EXOC4: variants seen among roughly 807,000 people sequenced by gnomAD.
EXOC4 encodes the protein SEC8-like 1.
A neutral mutation model predicts 107.2 loss-of-function variants in EXOC4; 71 were observed. The observed-to-expected ratio is 0.66, with a 90% CI of 0.55 to 0.81. The LOEUF (loss-of-function observed/expected upper bound fraction) is 0.81. EXOC4 is among the 30% of genes least tolerant of loss of function. The pLI is 0.00. For missense variants in EXOC4, 1,108 were observed against 1,189.6 expected, an observed-to-expected ratio of 0.93 and a Z score of 1.01; for synonymous variants, 456 against 441.2, an observed-to-expected ratio of 1.03 and a Z score of -0.42.
At chr7:133,814,682 A>G (rs1163050394) in intron 10 of EXOC4, among the ~76,000 whole-genome samples, 1 of 152,216 alleles carries the variant, frequency 6.6e-6, no homozygotes, top group Non-Finnish European at 1.5e-5. Context: ...TTATAGCAAC[A>G]GAGTGTGTTT....
At chr7:133,480,315 A>C (rs1490411865) in intron 9 of EXOC4, 177 bp downstream of exon 9, 22 of 1,435,418 alleles carry the variant, frequency 1.5e-5, no homozygotes, top group Non-Finnish European at 1.9e-5. Flanking sequence ...TAAAACTATT[A>C]CTGTGGCCAT....
rs1267407517 is a variant in EXOC4 at position 133,475,328 on chromosome 7, A to T, written c.1183A>T (p.Met395Leu). 2 of 1,609,624 alleles carry T rather than the reference A, an allele frequency of 1.2e-6. No individual in the cohort carries two copies. Among genetic ancestry groups the T allele is most frequent in the Non-Finnish European group, 1.7e-6 (2 of 1,177,248 alleles). ...VWVKIQDVLQMLLTEYLDMKN... is the reference protein window; with the variant it reads ...VWVKIQDVLQLLLTEYLDMKN... ...TTAACTGATTTATCTGGTTGTACAGATGCTATTAACTGAGTACTTGGATAT... is the reference window on the plus strand; with the variant it reads ...TTAACTGATTTATCTGGTTGTACAGTTGCTATTAACTGAGTACTTGGATAT... Residue 395 changes from methionine (M) to leucine (L), a missense_variant and splice_region_variant, in exon 8 of 18, where the codon ATG becomes TTG. Coordinates refer to ENST00000253861, the MANE Select transcript of EXOC4 (RefSeq NM_021807.4).
At chr7:133,662,825 T>C (rs1043413558) in intron 10 of EXOC4, among the ~76,000 whole-genome samples, 3 of 152,204 alleles carry the variant, frequency 2.0e-5, no homozygotes, top group Non-Finnish European at 4.4e-5. Flanking sequence ...AGATAGAAGA[T>C]GGCAGTAGGT....
At chr7:133,717,484 T>C (rs947733609) in intron 10 of EXOC4, among the ~76,000 whole-genome samples, 1 of 152,200 alleles carries the variant, frequency 6.6e-6, no homozygotes, top group South Asian at 2.1e-4. Context: ...CTCTCCACAC[T>C]ACCCCATGGT....
intron 6 of EXOC4, among the ~76,000 whole-genome samples, chr7:133,363,395 A>G (rs1489267794): frequency 6.6e-6 from 1 of 152,214 alleles, no homozygotes; most frequent in Non-Finnish European, 1.5e-5. Context: ...AGACTTAAAT[A>G]AATTAATGGA....
At chr7:133,789,771 C>T (rs1796666315) in intron 10 of EXOC4, among the ~76,000 whole-genome samples, 1 of 152,108 alleles carries the variant, frequency 6.6e-6, no homozygotes. Context: ...TTTCTCTGTT[C>T]AATTTCAGTT....
chr7:133,755,222 G>GTGTA (rs1562983981), intron 10 of EXOC4, among the ~76,000 whole-genome samples: 1 of 102,770 alleles, frequency 9.7e-6, no homozygotes, highest in East Asian at 2.6e-4. Flanking sequence ...GTGTGTGTGT[G>GTGTA]TATATATATA....
intron 9 of EXOC4, among the ~76,000 whole-genome samples, chr7:133,583,039 C>T (rs1431129699): frequency 6.6e-6 from 1 of 152,178 alleles, no homozygotes; most frequent in Non-Finnish European, 1.5e-5. Flanking sequence ...TTAAAGTATA[C>T]TATTTAGTGG....
chr7:133,764,352 C>A (rs1301662917), intron 10 of EXOC4, among the ~76,000 whole-genome samples: 1 of 151,904 alleles, frequency 6.6e-6, no homozygotes, highest in African/African-American at 2.4e-5. Context: ...AGAGTTAATC[C>A]AAATCGTCAA....
chr7:134,021,625 C>T (rs1156570179), intron 17 of EXOC4, among the ~76,000 whole-genome samples: 3 of 150,814 alleles, frequency 2.0e-5, no homozygotes, highest in African/African-American at 4.9e-5. Flanking sequence ...CTTCAGTTGC[C>T]GTGTGATGAT....
At chr7:133,432,732 C>T (rs906262612) in intron 7 of EXOC4, among the ~76,000 whole-genome samples, 1 of 152,208 alleles carries the variant, frequency 6.6e-6, no homozygotes, top group Non-Finnish European at 1.5e-5. Flanking sequence ...GCTAATGCTA[C>T]TACTATTGCT....
chr7:133,851,404 G>A (rs978666210), intron 11 of EXOC4, among the ~76,000 whole-genome samples: 3 of 152,158 alleles, frequency 2.0e-5, no homozygotes, highest in Admixed American at 1.3e-4. Flanking sequence ...AGCTGGTCTC[G>A]AACTCCTGAG....
At chr7:133,854,148 G>A (rs1015959428) in intron 11 of EXOC4, among the ~76,000 whole-genome samples, 4 of 152,080 alleles carry the variant, frequency 2.6e-5, no homozygotes, top group Admixed American at 6.5e-5. Context: ...CCATTTGGCT[G>A]TGGGGAGAGG....
At chr7:133,431,864 T>G (rs1473948371) in intron 7 of EXOC4, among the ~76,000 whole-genome samples, 2 of 152,212 alleles carry the variant, frequency 1.3e-5, no homozygotes, top group Non-Finnish European at 2.9e-5. Context: ...ACAAAGACTT[T>G]ATTTTATAAG....
chr7:133,568,323 A>G (rs1488954605), intron 9 of EXOC4, among the ~76,000 whole-genome samples: 1 of 151,660 alleles, frequency 6.6e-6, no homozygotes, highest in Non-Finnish European at 1.5e-5. Context: ...GGCTTTCCTT[A>G]GCATAATTTT....
At chr7:133,915,580 C>G (rs1232844827) in intron 12 of EXOC4, among the ~76,000 whole-genome samples, 2 of 152,070 alleles carry the variant, frequency 1.3e-5, no homozygotes, top group Non-Finnish European at 2.9e-5. Flanking sequence ...TGAACCTGAT[C>G]AGAGACAGGT....
At chr7:133,353,554 C>T (rs1176255628) in intron 5 of EXOC4, among the ~76,000 whole-genome samples, 2 of 152,066 alleles carry the variant, frequency 1.3e-5, no homozygotes, top group East Asian at 1.9e-4. Flanking sequence ...TAACTTCGCT[C>T]ACTACTTTCA....
At chr7:133,469,491 T>C (rs1048347830) in intron 7 of EXOC4, among the ~76,000 whole-genome samples, 3 of 152,176 alleles carry the variant, frequency 2.0e-5, no homozygotes, top group African/African-American at 7.2e-5. Flanking sequence ...GAATGAAATT[T>C]GTGCAAACCA....
rs890756255 is a variant in EXOC4 at position 133,604,798 on chromosome 7, A to G, written c.1418-25247A>G. 4.6e-5 allele frequency among the ~76,000 whole-genome samples: 6 copies of G among 129,798 alleles called. No individual in the cohort carries two copies. In the South Asian group the frequency reaches 7.2e-4, roughly 16 times the overall value. 85.2% of individuals were successfully genotyped at this position (129,798 alleles called of 152,430 possible). ...GAGTGCAGTGGTGCAATCTTGGCTC[A>G]CTGCAACCCCCACCTCCCGGATTTA... On this transcript the variant is annotated intron_variant, in intron 9 of 17. Transcript: ENST00000253861.
Sources: gnomAD v4.1 joint callset for allele counts (sites outside exome capture counted in the v4.1 genomes callset) on GRCh38, gnomAD v4.1.1 for gene constraint, MANE v1.5 for transcripts, NCBI Gene and HGNC (gene_info 2026-07-23, HGNC 2026-07-21) for gene names.